The following PAX2 variants were observed in gnomAD, a reference collection of about 807,000 sequenced individuals.
PAX2 encodes paired box protein Pax-2.
In PAX2, 9 loss-of-function variants were observed where a neutral mutation model predicts 41.7. The ratio of observed to expected loss-of-function variants is 0.22; its 90% CI spans 0.13 to 0.38. The LOEUF (loss-of-function observed/expected upper bound fraction) is 0.38. Ranked by LOEUF, PAX2 falls within the 10% of genes least tolerant of loss-of-function variation. The pLI is 1.00. For synonymous variants in PAX2, 221 were observed against 212.7 expected, an observed-to-expected ratio of 1.04 and a Z score of -0.34; for missense variants, 418 against 531.6, an observed-to-expected ratio of 0.79 and a Z score of 2.10.
chr10:100,759,034 G>A (rs913562852), intron 3 of PAX2, among the ~76,000 whole-genome samples: 74 of 152,184 alleles, frequency 4.9e-4, no homozygotes, highest in African/African-American at 1.3e-3. Flanking sequence ...AAGGAAGGGC[G>A]CTGCCTTGGG....
At chr10:100,744,270 C>T (rs1324472196), upstream of PAX2, among the ~76,000 whole-genome samples, 1 of 152,208 alleles carries the variant, frequency 6.6e-6, no homozygotes, top group African/African-American at 2.4e-5. Context: ...AAGAGCGCTG[C>T]GCAAGCTTCG....
chr10:100,811,062 T>C (rs1257300171), intron 7 of PAX2, among the ~76,000 whole-genome samples: 1 of 152,104 alleles, frequency 6.6e-6, no homozygotes, highest in African/African-American at 2.4e-5. Flanking sequence ...TTCGGAGCTG[T>C]TCACCAGTGG....
At chr10:100,793,673 C>T (rs554517636) in intron 5 of PAX2, among the ~76,000 whole-genome samples, 85 of 152,328 alleles carry the variant, frequency 5.6e-4, no homozygotes, top group African/African-American at 1.9e-3. Context: ...TGCCAGGGCC[C>T]TAAGGGGCCC....
intron 7 of PAX2, among the ~76,000 whole-genome samples, chr10:100,813,783 C>T (rs2133964911): frequency 6.6e-6 from 1 of 152,182 alleles, no homozygotes; most frequent in South Asian, 2.1e-4. Flanking sequence ...GGATAGTAAC[C>T]CATTCTGAAA....
chr10:100,828,020 T>C lies in PAX2; in HGVS notation c.*401T>C, dbSNP rs1848649979. On this transcript the variant is annotated 3_prime_UTR_variant, in exon 10 of 10. Coordinates refer to ENST00000355243, the MANE Select transcript of PAX2 (RefSeq NM_000278.5). The surrounding 1 kb of genome is among the most constrained non-coding windows in gnomAD (Gnocchi z 6.5). The stretch of plus-strand genomic sequence containing the variant: ...CGCCGGATGTTTCTGTGACACACAA[T>C]CAGCGCGGACCGCAGCGCGGCCCAG... 3.8e-6 allele frequency: 1 copy of C among 261,990 alleles called. No homozygotes were observed. The highest frequency in any genetic ancestry group is 2.2e-5 in the African/African-American group (1 of 45,098). The allele number at this position is 261,990 out of a possible 1,614,324, so 16.2% of individuals were successfully genotyped here.
intron 3 of PAX2, among the ~76,000 whole-genome samples, chr10:100,771,698 C>T (rs1021450362): frequency 2.0e-5 from 3 of 152,170 alleles, no homozygotes; most frequent in South Asian, 2.1e-4. Context: ...TGACTTGCCT[C>T]GGGGCCAAGC....
chr10:100,824,002 T>C lies in PAX2; in HGVS notation c.920-646T>C, dbSNP rs1848454630. Reference sequence around the variant, plus strand: ...TGCACTTTTGGCTCAAAGCTCCTGATTCACTTCAGGGTGGTTTTCTATCAT... The same window carrying C: ...TGCACTTTTGGCTCAAAGCTCCTGACTCACTTCAGGGTGGTTTTCTATCAT... On this transcript the variant is annotated intron_variant, in intron 7 of 9. Transcript: ENST00000355243. The surrounding 1 kb of genome is among the most constrained non-coding windows in gnomAD (Gnocchi z 6.6). 6.6e-6 allele frequency among the ~76,000 whole-genome samples: 1 copy of C among 152,172 alleles called. No homozygotes were observed. Among genetic ancestry groups the C allele is most frequent in the South Asian group, 2.1e-4 (1 of 4,832 alleles).
intron 3 of PAX2, among the ~76,000 whole-genome samples, chr10:100,762,986 C>T (rs1189885005): frequency 6.6e-6 from 1 of 152,204 alleles, no homozygotes; most frequent in Non-Finnish European, 1.5e-5. Flanking sequence ...GAGGATACAG[C>T]TGTATGAGGT....
In PAX2 at chr10:100,764,344, C is replaced by CA. The variant is rs762002470; in HGVS notation, c.410+13453_410+13454insA. 8.0e-4 allele frequency among the ~76,000 whole-genome samples: 122 copies of CA among 152,050 alleles called. 1 individual carries two copies. The highest frequency in any genetic ancestry group is 6.6e-3 in the Admixed American group (100 of 15,264). On this transcript the variant is annotated intron_variant, in intron 3 of 9. Coordinates refer to ENST00000355243, the MANE Select transcript of PAX2 (RefSeq NM_000278.5). ...ATTTTTAGTAGAGACAGGGTTTCACCTGTTAGCCAGGATGGTCTCGATCTC... is the reference window on the plus strand; with the variant it reads ...ATTTTTAGTAGAGACAGGGTTTCACCATGTTAGCCAGGATGGTCTCGATCTC...
chr10:100,747,996 G>A, intron 1 of PAX2: 1 of 984,110 alleles, frequency 1.0e-6, no homozygotes, highest in Non-Finnish European at 1.2e-6. Context: ...GAGCCGCAGC[G>A]CGGGCCCGCG....
upstream of PAX2, among the ~76,000 whole-genome samples, chr10:100,740,671 T>C (rs1453370314): frequency 6.6e-6 from 1 of 152,260 alleles, no homozygotes; most frequent in East Asian, 1.9e-4. Context: ...CAGGCGTAAT[T>C]ATCCCCATTT....
At chr10:100,790,569 T>C (rs1331922265) in intron 5 of PAX2, among the ~76,000 whole-genome samples, 1 of 152,144 alleles carries the variant, frequency 6.6e-6, no homozygotes. Context: ...GCCGAAGCTA[T>C]CCCCGGGCCC....
intron 5 of PAX2, among the ~76,000 whole-genome samples, chr10:100,788,651 A>G (rs1028556268): frequency 6.6e-6 from 1 of 152,208 alleles, no homozygotes; most frequent in African/African-American, 2.4e-5. Flanking sequence ...TGGCAGAACC[A>G]GAGAGGGATC....
At chr10:100,823,868 G>A (rs1211754526) in intron 7 of PAX2, among the ~76,000 whole-genome samples, 4 of 152,146 alleles carry the variant, frequency 2.6e-5, no homozygotes, top group African/African-American at 4.8e-5. Context: ...ATCTTGACTC[G>A]CTTTGTCTCC....
chr10:100,774,394 A>G (rs2133884099), intron 3 of PAX2, among the ~76,000 whole-genome samples: 2 of 152,024 alleles, frequency 1.3e-5, no homozygotes, highest in Middle Eastern at 3.4e-3. Flanking sequence ...CTTGCCAGTG[A>G]CCCTAGTGGG....
At chr10:100,754,852 A>G (rs908684812) in intron 3 of PAX2, among the ~76,000 whole-genome samples, 2 of 152,150 alleles carry the variant, frequency 1.3e-5, no homozygotes, top group Non-Finnish European at 2.9e-5. Context: ...GGTACTGCCT[A>G]CCACATCTCC....
At chr10:100,787,727 C>T (rs1189514909) in intron 5 of PAX2, among the ~76,000 whole-genome samples, 1 of 151,992 alleles carries the variant, frequency 6.6e-6, no homozygotes, top group South Asian at 2.1e-4. Flanking sequence ...CAAAGGCACC[C>T]CCTCATGTGA....
chr10:100,809,446 G>A (rs974159434), intron 7 of PAX2, among the ~76,000 whole-genome samples: 5 of 152,228 alleles, frequency 3.3e-5, no homozygotes, highest in African/African-American at 9.6e-5. Flanking sequence ...CTTCAACCTG[G>A]AAAGGCTGAT....
intron 5 of PAX2, among the ~76,000 whole-genome samples, chr10:100,804,525 C>A (rs1345316659): frequency 6.6e-6 from 1 of 152,130 alleles, no homozygotes; most frequent in Non-Finnish European, 1.5e-5. Context: ...GAATCAAACA[C>A]AATAGGACAC....
Sources: allele counts gnomAD v4.1 joint callset (sites outside exome capture counted in the v4.1 genomes callset), GRCh38; gene constraint gnomAD v4.1.1; non-coding constraint Gnocchi (gnomAD v3.1); transcripts MANE v1.5; gene names NCBI Gene and HGNC (gene_info 2026-07-23, HGNC 2026-07-21).